The following INSR variants were observed in gnomAD, a reference collection of about 807,000 sequenced individuals.
The protein encoded by INSR is IR.
INSR carries 67 observed loss-of-function variants against 142.6 expected under a neutral mutation model. That is an observed-to-expected ratio of 0.47 (90% CI 0.39 to 0.58). The LOEUF (loss-of-function observed/expected upper bound fraction) is 0.58. Among genes scored for constraint, INSR ranks in the 20% least tolerant of loss-of-function variants. INSR has a pLI of 0.00. For missense variants in INSR, 1,248 were observed against 1,833.2 expected, an observed-to-expected ratio of 0.68 and a Z score of 5.83; for synonymous variants, 756 against 743.1, an observed-to-expected ratio of 1.02 and a Z score of -0.28.
chr19:7,194,979 T>C (rs936339496), intron 2 of INSR, among the ~76,000 whole-genome samples: 1 of 152,094 alleles, frequency 6.6e-6, no homozygotes, highest in East Asian at 1.9e-4. Context: ...CCCCATCCCC[T>C]GTCCTCGAGA....
chr19:7,271,117 A>G (rs922368156), intron 1 of INSR, among the ~76,000 whole-genome samples: 8 of 152,054 alleles, frequency 5.3e-5, no homozygotes, highest in African/African-American at 1.9e-4. Flanking sequence ...TTAGAGAAAT[A>G]CAAATTCAAA....
At chr19:7,224,958 T>TGAGA (rs1297440421) in intron 2 of INSR, among the ~76,000 whole-genome samples, 1 of 150,050 alleles carries the variant, frequency 6.7e-6, no homozygotes, top group Non-Finnish European at 1.5e-5. Flanking sequence ...GAAAAGGGGA[T>TGAGA]GAGAGAGAGA....
intron 2 of INSR, among the ~76,000 whole-genome samples, chr19:7,219,495 AGGAG>A (rs1338919638): frequency 3.3e-5 from 4 of 119,750 alleles, no homozygotes; most frequent in South Asian, 3.1e-4. Flanking sequence ...GAAGGAAGGA[AGGAG>A]GGAGGGAGGG....
intron 19 of INSR, 73 bp downstream of exon 19, chr19:7,122,541 T>G: frequency 6.6e-7 from 1 of 1,511,162 alleles, no homozygotes; most frequent in Non-Finnish European, 9.2e-7. Context: ...TAACGGCTCA[T>G]TATAGACAAC....
At chr19:7,230,430 G>A (rs1428973231) in intron 2 of INSR, among the ~76,000 whole-genome samples, 1 of 152,164 alleles carries the variant, frequency 6.6e-6, no homozygotes, top group Non-Finnish European at 1.5e-5. Context: ...TCCTAACAGT[G>A]TCCACCTGGT....
rs1300779649 is a variant in INSR at position 7,137,254 on chromosome 19, G to A, written c.2682+4423C>T. Among the ~76,000 whole-genome samples, 10 of 132,990 alleles carry A rather than the reference G, an allele frequency of 7.5e-5. No homozygotes were observed. In the Admixed American group the frequency reaches 8.0e-4, roughly 11 times the overall value. The allele number at this position is 132,990 out of a possible 152,430, so 87.2% of individuals were successfully genotyped here. A position where few individuals can be genotyped will look rare whatever the true frequency, so the allele number is the denominator to read the frequency against. ...GGTATGTAAGTTACAGCTCAATAAA[G>A]CTGTTTCTAAATTAAAAAAAAAAAA... On this transcript the variant is annotated intron_variant, in intron 13 of 21. Coordinates refer to ENST00000302850, the MANE Select transcript of INSR (RefSeq NM_000208.4).
chr19:7,282,999 T>TAAC (rs1447129782), intron 1 of INSR, among the ~76,000 whole-genome samples: 1 of 148,946 alleles, frequency 6.7e-6, no homozygotes, highest in Non-Finnish European at 1.5e-5. Context: ...ATAATAATAA[T>TAAC]AATAGGCAAC....
rs752803584 is a variant in INSR, at chr19:7,267,523, G to A, written c.474C>T (p.Ile158=). The A allele has an allele frequency of 1.9e-5, 30 of 1,614,126 alleles. No individual in the cohort carries two copies. The highest frequency in any genetic ancestry group is 2.0e-5 in the Non-Finnish European group (24 of 1,180,030). The change falls in exon 2 of 22, where the codon ATC becomes ATT. Residue 158 remains isoleucine, a synonymous_variant. Coordinates refer to ENST00000302850, the MANE Select transcript of INSR (RefSeq NM_000208.4). The surrounding 1 kb of genome is among the most constrained non-coding windows in gnomAD (Gnocchi z 6.3). The part of the protein sequence containing the change: ...KNNELCYLAT[I]DWSRILDSVE... ...CGGAATCCAGGATACGGGACCAGTCGATAGTGGCCAAGTAACAGAGCTCAT... is the reference window on the plus strand; with the variant it reads ...CGGAATCCAGGATACGGGACCAGTCAATAGTGGCCAAGTAACAGAGCTCAT...
Position 7,278,086 on chromosome 19 carries a change from T to A in INSR, c.101-10190A>T, listed in dbSNP as rs184579311. Among the ~76,000 whole-genome samples, 965 of 151,900 alleles carry A rather than the reference T, an allele frequency of 6.4e-3. 8 individuals carry two copies. Among genetic ancestry groups the A allele is most frequent in the Middle Eastern group, 0.051 (15 of 294 alleles). On this transcript the variant is annotated intron_variant, in intron 1 of 21. Transcript: ENST00000302850. ...TCCAGCCTGGGTGACAGAGTGAGAC[T>A]CGGTCTCAAAAAAATTAAAAAATAA...
At chr19:7,238,308 T>G (rs1045908373) in intron 2 of INSR, among the ~76,000 whole-genome samples, 2 of 152,056 alleles carry the variant, frequency 1.3e-5, no homozygotes, top group African/African-American at 4.8e-5. Context: ...AGATGGACTT[T>G]CCATTGATGC....
At chr19:7,233,303 T>C (rs1976049446) in intron 2 of INSR, among the ~76,000 whole-genome samples, 1 of 152,142 alleles carries the variant, frequency 6.6e-6, no homozygotes, top group South Asian at 2.1e-4. Context: ...CTGTGATACC[T>C]TTTGGTTCCC....
At chr19:7,122,836 G>A (rs373979012) in intron 18 of INSR, 43 bp downstream of exon 18, 6 of 1,611,006 alleles carry the variant, frequency 3.7e-6, no homozygotes, top group East Asian at 2.2e-5. Flanking sequence ...CCAGGAGCGG[G>A]TGCTCCACCG....
chr19:7,249,586 C>T (rs2081879), intron 2 of INSR, among the ~76,000 whole-genome samples: 62,668 of 151,864 alleles, frequency 0.41, 14,240 homozygotes, highest in South Asian at 0.63. Flanking sequence ...ATGGGTACAC[C>T]TGTAATCCCA....
At chr19:7,123,649 G>A (rs1034136443) in intron 17 of INSR, among the ~76,000 whole-genome samples, 3 of 152,148 alleles carry the variant, frequency 2.0e-5, no homozygotes, top group Non-Finnish European at 2.9e-5. Flanking sequence ...TCAGCTGGGG[G>A]TGGTGGCTTA....
At chr19:7,221,609 G>A (rs1975619394) in intron 2 of INSR, among the ~76,000 whole-genome samples, 1 of 151,922 alleles carries the variant, frequency 6.6e-6, no homozygotes, top group African/African-American at 2.4e-5. Flanking sequence ...TTGGGACGCT[G>A]AGGCAGGAGA....
chr19:7,198,525 C>T (rs2145037354), intron 2 of INSR, among the ~76,000 whole-genome samples: 1 of 152,278 alleles, frequency 6.6e-6, no homozygotes, highest in African/African-American at 2.4e-5. Context: ...GATCGGGTCA[C>T]CGCGTGGCAG....
chr19:7,156,211 C>T (rs1005931556), intron 9 of INSR, among the ~76,000 whole-genome samples: 4 of 151,484 alleles, frequency 2.6e-5, no homozygotes, highest in African/African-American at 9.7e-5. Flanking sequence ...CAGGCGCCTG[C>T]CACCACCCTG....
chr19:7,152,519 G>T, intron 10 of INSR: 1 of 630,066 alleles, frequency 1.6e-6, no homozygotes, highest in Non-Finnish European at 2.9e-6. Context: ...CCCCTTTTGT[G>T]CGATTATTTG....
rs80061501 is a variant in INSR, at chr19:7,271,581, C to G, written c.101-3685G>C. The stretch of plus-strand genomic sequence containing the variant: ...CAGTGCAGCCACTGTGGAAAACACT[C>G]TGGTAGTTCCTCAAAATATTAAACC... On this transcript the variant is annotated intron_variant, in intron 1 of 21. Coordinates refer to ENST00000302850, the MANE Select transcript of INSR (RefSeq NM_000208.4). Among the ~76,000 whole-genome samples the G allele has an allele frequency of 2.5e-3, 388 of 152,338 alleles. 4 individuals carry two copies. The highest frequency in any genetic ancestry group is 8.2e-3 in the Admixed American group (126 of 15,298).
Sources: gnomAD v4.1 joint callset for allele counts (sites outside exome capture counted in the v4.1 genomes callset) on GRCh38, gnomAD v4.1.1 for gene constraint, Gnocchi (gnomAD v3.1) non-coding constraint, MANE v1.5 for transcripts, NCBI Gene and HGNC (gene_info 2026-07-23, HGNC 2026-07-21) for gene names.